The following MEI4 variants were observed in gnomAD, a reference collection of about 807,000 sequenced individuals.
MEI4 encodes meiosis-specific protein MEI4.
A neutral mutation model predicts 31.4 loss-of-function variants in MEI4; 27 were observed. That is an observed-to-expected ratio of 0.86 (90% confidence interval 0.63 to 1.19). The LOEUF (loss-of-function observed/expected upper bound fraction) is 1.19. MEI4 is among the 50% of genes most tolerant of loss of function. The pLI is 0.00. For synonymous variants in MEI4, 122 were observed against 145.4 expected (o/e 0.84, Z 1.16); for missense variants, 329 against 398.9 (o/e 0.82, Z 1.49).
intron 4 of MEI4, among the ~76,000 whole-genome samples, chr6:77,863,663 AT>A (rs1770933966): frequency 1.3e-5 from 2 of 152,246 alleles, no homozygotes; most frequent in South Asian, 4.1e-4. Context: ...TCTGCAGGAT[AT>A]AATCCAGGAG....
rs1766838722 is a variant in MEI4, at chr6:77,926,115, C to T, written c.*2769C>T. On this transcript the variant is annotated 3_prime_UTR_variant, in exon 5 of 5. Coordinates refer to ENST00000684080, the MANE Select transcript of MEI4 (RefSeq NM_001322247.2). ...ACTGCACTGCCTGTTATGTGCAGCT[C>T]TCCTGGCACTTCAGTAAACTTTCAC... The T allele has an allele frequency of 1.3e-5, 2 of 151,928 alleles. No homozygotes were observed. The allele number at this position is 151,928 out of a possible 1,614,324, so 9.4% of individuals were successfully genotyped here.
In MEI4 at chr6:77,735,767, A is replaced by G. The variant is rs1582078475; in HGVS notation, c.233-25363A>G. The stretch of plus-strand genomic sequence containing the variant: ...GTTTTTTCCCCATCTTTGTGGTTTT[A>G]TCTATTTTTGGTCTTTGATGATGGT... On this transcript the variant is annotated intron_variant, in intron 2 of 4. Transcript: ENST00000684080. 2.6e-5 allele frequency among the ~76,000 whole-genome samples: 4 copies of G among 151,854 alleles called. No individual in the cohort carries two copies. The South Asian group carries it at 6.2e-4, about 24-fold the overall frequency.
chr6:77,888,735 G>A (rs900709900), intron 4 of MEI4, among the ~76,000 whole-genome samples: 16 of 152,070 alleles, frequency 1.1e-4, no homozygotes, highest in African/African-American at 3.6e-4. Context: ...TATGAGATTT[G>A]ATACTAATAT....
At chr6:77,766,059 A>G (rs1183789241) in intron 3 of MEI4, among the ~76,000 whole-genome samples, 2 of 152,212 alleles carry the variant, frequency 1.3e-5, no homozygotes, top group East Asian at 3.9e-4. Context: ...GACATTCCTG[A>G]AACACCTCCA....
chr6:77,696,372 GC>G (rs972899999), intron 2 of MEI4, among the ~76,000 whole-genome samples: 1 of 152,128 alleles, frequency 6.6e-6, no homozygotes, highest in African/African-American at 2.4e-5. Context: ...TCCAGTTTTT[GC>G]CCATTCAATA....
intron 4 of MEI4, among the ~76,000 whole-genome samples, chr6:77,877,107 G>A (rs1392558431): frequency 6.6e-6 from 1 of 152,022 alleles, no homozygotes; most frequent in African/African-American, 2.4e-5. Flanking sequence ...CATACTGATA[G>A]AAATCGTAGA....
In MEI4 at chr6:77,787,088, A is replaced by G. The variant is rs1477727411; in HGVS notation, c.768+25423A>G. ...ACCCTGAGAGAAGTTCTGCTTACCC[A>G]GGGACTTGGAGGTAGACACATTGTG... On this transcript the variant is annotated intron_variant, in intron 3 of 4. Coordinates refer to ENST00000684080, the MANE Select transcript of MEI4 (RefSeq NM_001322247.2). Among the ~76,000 whole-genome samples the G allele has an allele frequency of 2.6e-5, 4 of 152,130 alleles. No homozygotes were observed. The South Asian group carries it at 6.2e-4, about 24-fold the overall frequency.
intron 4 of MEI4, among the ~76,000 whole-genome samples, chr6:77,834,914 A>G (rs1285106289): frequency 2.0e-5 from 3 of 152,160 alleles, no homozygotes; most frequent in Non-Finnish European, 4.4e-5. Context: ...TACACTTCCC[A>G]CATTCCTTTG....
At chr6:77,734,130 G>C (rs1767104251) in intron 2 of MEI4, among the ~76,000 whole-genome samples, 1 of 151,978 alleles carries the variant, frequency 6.6e-6, no homozygotes, top group South Asian at 2.1e-4. Context: ...GAGTTCTGTA[G>C]ATGTCTATTA....
intron 2 of MEI4, among the ~76,000 whole-genome samples, chr6:77,700,093 G>C (rs1461769068): frequency 6.6e-6 from 1 of 152,216 alleles, no homozygotes; most frequent in Non-Finnish European, 1.5e-5. Context: ...TCCAGCTGCT[G>C]CTGGGAGAAC....
chr6:77,783,641 C>T (rs1768652762), intron 3 of MEI4, among the ~76,000 whole-genome samples: 1 of 151,836 alleles, frequency 6.6e-6, no homozygotes, highest in African/African-American at 2.4e-5. Context: ...AGTAAGAAGC[C>T]TCTTTTTTAT....
At chr6:77,851,059 G>GA in intron 4 of MEI4, among the ~76,000 whole-genome samples, 1 of 152,188 alleles carries the variant, frequency 6.6e-6, no homozygotes, top group East Asian at 1.9e-4. Flanking sequence ...CTGGCCATCA[G>GA]AGACATGCAA....
intron 4 of MEI4, among the ~76,000 whole-genome samples, chr6:77,916,733 A>G (rs990632318): frequency 2.0e-5 from 3 of 150,768 alleles, no homozygotes; most frequent in Non-Finnish European, 4.4e-5. Flanking sequence ...GATTGCATCA[A>G]TTCAGTCACA....
chr6:77,756,589 TTC>T (rs1482074265), intron 2 of MEI4, among the ~76,000 whole-genome samples: 1 of 151,600 alleles, frequency 6.6e-6, no homozygotes, highest in Admixed American at 6.6e-5. Flanking sequence ...TTCTTTTGGT[TTC>T]TCTCTTTCTC....
At chr6:77,700,707 G>A (rs547155478) in intron 2 of MEI4, among the ~76,000 whole-genome samples, 5 of 152,272 alleles carry the variant, frequency 3.3e-5, no homozygotes, top group South Asian at 4.1e-4. Flanking sequence ...GCTGTAGACC[G>A]GAGCTGTTCC....
chr6:77,799,007 C>T (rs1769167491), intron 3 of MEI4, among the ~76,000 whole-genome samples: 1 of 152,058 alleles, frequency 6.6e-6, no homozygotes, highest in South Asian at 2.1e-4. Flanking sequence ...GGTATATACC[C>T]AGTAATGGGA....
chr6:77,726,654 G>C (rs10223781), intron 2 of MEI4, among the ~76,000 whole-genome samples: 1,569 of 151,982 alleles, frequency 0.01, 25 homozygotes, highest in African/African-American at 0.036. Context: ...TAATAGGCCT[G>C]GTGTAAAATC....
intron 3 of MEI4, among the ~76,000 whole-genome samples, chr6:77,778,140 C>T (rs1169119982): frequency 1.7e-3 from 9 of 5,246 alleles, no homozygotes; most frequent in African/African-American, 7.0e-3. Context: ...GAGTGCGGGG[C>T]GGGGGGTGGT....
intron 2 of MEI4, among the ~76,000 whole-genome samples, chr6:77,715,623 T>C (rs1380330711): frequency 1.3e-5 from 2 of 152,200 alleles, no homozygotes; most frequent in Non-Finnish European, 2.9e-5. Context: ...ATCAAGCATA[T>C]GGCTTTTGGC....
Sources: gnomAD v4.1 joint callset for allele counts (sites outside exome capture counted in the v4.1 genomes callset) on GRCh38, gnomAD v4.1.1 for gene constraint, MANE v1.5 for transcripts, NCBI Gene and HGNC (gene_info 2026-07-23, HGNC 2026-07-21) for gene names.